The following LARP1 variants were observed in gnomAD, a reference collection of about 807,000 sequenced individuals.
LARP1 encodes the protein La ribonucleoprotein 1, translational regulator, also known as la-related protein 1.
Under a neutral mutation model 122.7 loss-of-function variants are expected in LARP1, and 36 were observed. That is an observed-to-expected ratio of 0.29 (90% CI 0.22 to 0.39). The LOEUF (loss-of-function observed/expected upper bound fraction) is 0.39. Among genes scored for constraint, LARP1 ranks in the 10% least tolerant of loss-of-function variants. The pLI is 1.00. For synonymous variants in LARP1, 539 were observed against 528.7 expected (o/e 1.02, Z -0.27); for missense variants, 1,040 against 1,403.6 (o/e 0.74, Z 4.14).
intron 1 of LARP1, among the ~76,000 whole-genome samples, chr5:154,690,607 C>T (rs1328705295): frequency 2.0e-5 from 3 of 152,246 alleles, no homozygotes; most frequent in African/African-American, 7.2e-5. Context: ...AGACCCGCCA[C>T]TACCTCCACG....
intron 8 of LARP1, 95 bp downstream of exon 8, chr5:154,795,414 C>A: frequency 3.2e-6 from 4 of 1,263,078 alleles, no homozygotes; most frequent in Non-Finnish European, 4.4e-6. Flanking sequence ...GAAGAGTCAT[C>A]ATCTGATGAC....
intron 1 of LARP1, among the ~76,000 whole-genome samples, chr5:154,763,483 G>GT (rs372411068): frequency 0.016 from 2,279 of 145,238 alleles, 23 homozygotes; most frequent in Non-Finnish European, 0.022. Flanking sequence ...TGCCACCTCT[G>GT]TTTTTTTTTT....
At position 154,811,502 on chromosome 5, in the gene LARP1, T is replaced by C. The variant is rs1759269796; in HGVS notation, c.2954-11T>C. ...CTCACCAGCTCAGCTTTTCTGTACC[T>C]CTCCCTACAGGCCAACTGTATGGGC... On this transcript the variant is annotated splice_polypyrimidine_tract_variant and intron_variant, in intron 17 of 18. Coordinates refer to ENST00000518297, the MANE Select transcript of LARP1 (RefSeq NM_033551.3). 1 of 1,614,062 alleles carries C rather than the reference T, an allele frequency of 6.2e-7. No individual in the cohort carries two copies. Among genetic ancestry groups the C allele is most frequent in the South Asian group, 1.1e-5 (1 of 91,092 alleles).
chr5:154,684,749 C>T (rs930642142), intron 1 of LARP1, among the ~76,000 whole-genome samples: 3 of 152,060 alleles, frequency 2.0e-5, no homozygotes, highest in Admixed American at 6.6e-5. Flanking sequence ...TTCATCTGTT[C>T]CATTGAAATC....
chr5:154,797,579 CTTTTA>C (rs1410030610), intron 8 of LARP1, among the ~76,000 whole-genome samples: 3 of 151,278 alleles, frequency 2.0e-5, no homozygotes, highest in Non-Finnish European at 4.4e-5. Flanking sequence ...ACTTGTGGAT[CTTTTA>C]TTTTACCTAC....
chr5:154,772,549 C>G (rs1755524768), intron 1 of LARP1, among the ~76,000 whole-genome samples: 1 of 152,124 alleles, frequency 6.6e-6, no homozygotes, highest in Non-Finnish European at 1.5e-5. Context: ...ATGTTTTTTC[C>G]TATACATATG....
At position 154,805,889 on chromosome 5, in the gene LARP1, C is replaced by T; in HGVS notation, c.2555C>T (p.Pro852Leu). ...TTTTGTGGTTTCTGTAGCTCCAGCC[C>T]CTCAGAAGGGACGCCTACAGTTGGC... ...RPRTASISSSPSEGTPTVGSY... is the reference protein window; with the variant it reads ...RPRTASISSSLSEGTPTVGSY... The change falls in exon 15 of 19, where the codon CCC (proline) becomes CTC (leucine). Residue 852 changes from proline (P) to leucine (L), a missense_variant. By Grantham distance (98) the Pro-to-Leu change is moderately conservative. This residue lies in a region of LARP1 where 26 missense variants were observed against 27.5 expected (regional missense o/e 0.94). Coordinates refer to ENST00000518297, the MANE Select transcript of LARP1 (RefSeq NM_033551.3). 1.2e-6 allele frequency: 2 copies of T among 1,613,850 alleles called. No individual in the cohort carries two copies. The highest frequency in any genetic ancestry group is 1.7e-6 in the Non-Finnish European group (2 of 1,179,908).
At chr5:154,763,106 G>A (rs915403337) in intron 1 of LARP1, among the ~76,000 whole-genome samples, 3 of 147,250 alleles carry the variant, frequency 2.0e-5, no homozygotes, top group African/African-American at 7.6e-5. Context: ...TCGTTGCCCA[G>A]GCTGGAGTGC....
chr5:154,700,879 C>T (rs1754680891), intron 1 of LARP1, among the ~76,000 whole-genome samples: 1 of 152,062 alleles, frequency 6.6e-6, no homozygotes, highest in African/African-American at 2.4e-5. Flanking sequence ...ATCGCTTGAA[C>T]CCAGGAGGCA....
At chr5:154,732,771 T>C (rs1181471038) in intron 1 of LARP1, among the ~76,000 whole-genome samples, 2 of 152,132 alleles carry the variant, frequency 1.3e-5, no homozygotes, top group African/African-American at 4.8e-5. Flanking sequence ...GGATGTGATA[T>C]ATATTTAAAT....
chr5:154,752,921 A>T (rs972520496), upstream of LARP1, among the ~76,000 whole-genome samples: 1 of 152,038 alleles, frequency 6.6e-6, no homozygotes, highest in African/African-American at 2.4e-5. Flanking sequence ...CCTGGGCGAC[A>T]GAGTAAGAGT....
At position 154,793,689 on chromosome 5, in the gene LARP1, T is replaced by C; in HGVS notation, c.834T>C (p.Pro278=). ...LASRPTRPPE[P]RHIPANRGEI... is the part of the protein sequence containing the mutation. ...CACGCCCCACTCGCCCACCGGAGCC[T>C]AGACACATACCTGCCAATCGCGGAG... The change falls in exon 5 of 19, where the codon CCT becomes CCC. Residue 278 remains proline (P), a synonymous_variant. Transcript: ENST00000518297. 1 of 1,614,110 alleles carries C rather than the reference T, an allele frequency of 6.2e-7. No homozygotes were observed. Among genetic ancestry groups the C allele is most frequent in the South Asian group, 1.1e-5 (1 of 91,088 alleles).
chr5:154,712,843 G>A (rs1034899466), exon 1 of LARP1: 4 of 1,276,708 alleles, frequency 3.1e-6, no homozygotes, highest in South Asian at 1.3e-5. Flanking sequence ...GAGCTCCCGG[G>A]CCAGAGCCAG....
intron 16 of LARP1, 37 bp from the exon 17 acceptor site, chr5:154,811,210 A>T (rs1480436894): frequency 6.6e-7 from 1 of 1,512,654 alleles, no homozygotes; most frequent in Non-Finnish European, 9.2e-7. Context: ...TTACAGATGA[A>T]GAAACTGCCC....
At chr5:154,797,376 G>A (rs1757969135) in intron 8 of LARP1, among the ~76,000 whole-genome samples, 1 of 151,676 alleles carries the variant, frequency 6.6e-6, no homozygotes, top group Admixed American at 6.6e-5. Flanking sequence ...TGGTATTACA[G>A]GCATGCACCA....
chr5:154,755,368 C>A (rs1165875309), upstream of LARP1, among the ~76,000 whole-genome samples: 1 of 151,070 alleles, frequency 6.6e-6, no homozygotes, highest in Non-Finnish European at 1.5e-5. Flanking sequence ...CCGCGCCTCT[C>A]CCCCGTCCGT....
chr5:154,782,096 T>C (rs1336553864), intron 1 of LARP1, among the ~76,000 whole-genome samples: 2 of 152,220 alleles, frequency 1.3e-5, no homozygotes, highest in Non-Finnish European at 2.9e-5. Flanking sequence ...CATCTTGCTC[T>C]TCAACATTGT....
Position 154,804,232 on chromosome 5 carries a change from C to A in LARP1, c.2471C>A (p.Ser824Ter). 6.2e-7 allele frequency: 1 copy of A among 1,614,126 alleles called. No individual in the cohort carries two copies. Among genetic ancestry groups the A allele is most frequent in the South Asian group, 1.1e-5 (1 of 91,062 alleles). Reference sequence around the variant, plus strand: ...CGAAAAAGAAAGACAAGACACAGTTCAAACCCACCCTTGGAGAGCCATGTG... The same window carrying A: ...CGAAAAAGAAAGACAAGACACAGTTAAAACCCACCCTTGGAGAGCCATGTG... ...MPRKRKTRHS[S>*]NPPLESHVGW... Residue 824 changes from serine (S) to a stop codon, truncating the protein, a stop_gained, in exon 14 of 19, where the codon TCA (serine) becomes TAA (stop). Coordinates refer to ENST00000518297, the MANE Select transcript of LARP1 (RefSeq NM_033551.3). LOFTEE classifies it high-confidence loss of function.
At chr5:154,761,644 T>G (rs1754456969) in intron 1 of LARP1, among the ~76,000 whole-genome samples, 1 of 152,184 alleles carries the variant, frequency 6.6e-6, no homozygotes, top group Non-Finnish European at 1.5e-5. Flanking sequence ...CCCTGGCTGG[T>G]CCAGAGTGAT....
Sources: gnomAD v4.1 joint callset for allele counts (sites outside exome capture counted in the v4.1 genomes callset) on GRCh38, gnomAD v4.1.1 for gene constraint, gnomAD v4.1.1 regional missense constraint, MANE v1.5 for transcripts, NCBI Gene and HGNC (gene_info 2026-07-23, HGNC 2026-07-21) for gene names.